Variants in ZFHX3 observed in about 807,000 individuals in gnomAD.
ZFHX3 encodes zinc finger homeobox 3, also known as zinc finger homeobox protein 3.
Under a neutral mutation model 279.1 loss-of-function variants are expected in ZFHX3, and 42 were observed. The ratio of observed to expected loss-of-function variants is 0.15; its 90% confidence interval spans 0.12 to 0.19. ZFHX3 has a LOEUF of 0.19. Ranked by LOEUF, ZFHX3 falls within the 10% of genes least tolerant of loss-of-function variation. The probability of loss-of-function intolerance (pLI) is 1.00; values close to 1 mark genes in which losing one functional copy is unlikely to be tolerated. For synonymous variants in ZFHX3, 2,293 were observed against 1,957.8 expected, an observed-to-expected ratio of 1.17 and a Z score of -4.52; for missense variants, 4,981 against 4,754.0, an observed-to-expected ratio of 1.05 and a Z score of -1.40.
At chr16:73,831,401 G>A (rs1235723319) in intron 1 of ZFHX3, among the ~76,000 whole-genome samples, 2 of 152,148 alleles carry the variant, frequency 1.3e-5, no homozygotes, top group Non-Finnish European at 2.9e-5. Context: ...TGCTAAATAA[G>A]TTAGTGCTAT....
intron 2 of ZFHX3, among the ~76,000 whole-genome samples, chr16:73,479,745 G>T (rs1280282878): frequency 6.6e-6 from 1 of 152,208 alleles, no homozygotes; most frequent in African/African-American, 2.4e-5. Flanking sequence ...CCAAATAGGG[G>T]AGGGTCCTGG....
At chr16:73,592,970 A>G (rs1466888462) in intron 2 of ZFHX3, among the ~76,000 whole-genome samples, 2 of 152,148 alleles carry the variant, frequency 1.3e-5, no homozygotes, top group African/African-American at 2.4e-5. Context: ...GATGTAAAAA[A>G]TAAGACGATA....
chr16:73,028,166 A>G (rs1964578751), intron 1 of ZFHX3, among the ~76,000 whole-genome samples: 1 of 152,084 alleles, frequency 6.6e-6, no homozygotes, highest in Admixed American at 6.5e-5. Context: ...TTCAGTCCCA[A>G]GATTCCCCTT....
At chr16:73,437,101 A>T (rs186021018) in intron 3 of ZFHX3, among the ~76,000 whole-genome samples, 1 of 152,190 alleles carries the variant, frequency 6.6e-6, no homozygotes, top group Non-Finnish European at 1.5e-5. Flanking sequence ...TCTTACAAAT[A>T]GTAGAAACTT....
chr16:73,497,585 A>G (rs1358648454), intron 2 of ZFHX3, among the ~76,000 whole-genome samples: 3 of 152,092 alleles, frequency 2.0e-5, no homozygotes, highest in Non-Finnish European at 4.4e-5. Flanking sequence ...CAGGAAGATC[A>G]CTTGAGCCCA....
In ZFHX3 at chr16:72,787,695, G is replaced by GCCA; in HGVS notation, c.10580_10581insTGG (p.Gly3527dup). On this transcript the variant is annotated inframe_insertion, in exon 10 of 10. Transcript: ENST00000268489. ...TCTCGCACGCCAGGCAGTGGTACGA[G>GCCA]CCGCCGCCGCCGCCGCCGCCGCCAC... The GCCA allele has an allele frequency of 3.3e-6, 4 of 1,227,760 alleles. No individual in the cohort carries two copies. The highest frequency in any genetic ancestry group is 4.2e-6 in the Non-Finnish European group (4 of 953,068). 76.1% of individuals were successfully genotyped at this position (1,227,760 alleles called of 1,614,324 possible).
intron 2 of ZFHX3, among the ~76,000 whole-genome samples, chr16:73,489,885 A>C (rs1259526925): frequency 6.6e-6 from 1 of 152,206 alleles, no homozygotes; most frequent in Non-Finnish European, 1.5e-5. Context: ...TAGTCACTGA[A>C]ATCTTGTGTT....
chr16:72,916,173 T>TC (rs59379613), intron 3 of ZFHX3, among the ~76,000 whole-genome samples: 98 of 151,494 alleles, frequency 6.5e-4, no homozygotes, highest in South Asian at 1.3e-3. Context: ...ACTCTTCACT[T>TC]CCCCCCCCTC....
At chr16:72,860,236 G>A (rs1483333674) in intron 4 of ZFHX3, among the ~76,000 whole-genome samples, 1 of 152,130 alleles carries the variant, frequency 6.6e-6, no homozygotes, top group African/African-American at 2.4e-5. Flanking sequence ...TGCAGAGCTG[G>A]TTCTGGGATG....
intron 5 of ZFHX3, among the ~76,000 whole-genome samples, chr16:73,165,050 G>C (rs1967327015): frequency 6.6e-6 from 1 of 152,202 alleles, no homozygotes; most frequent in African/African-American, 2.4e-5. Flanking sequence ...GGAACCAAAA[G>C]ATGCTATGCA....
rs555070091 is a variant in ZFHX3, at chr16:72,868,048, A to G, written c.3448+21683T>C. ...AATGTAAGACATGATCCCTGCCCCA[A>G]GATGTTTCCAATTTTAGGGATGAAT... On this transcript the variant is annotated intron_variant, in intron 4 of 9. Transcript: ENST00000268489. 2.2e-3 allele frequency among the ~76,000 whole-genome samples: 330 copies of G among 152,376 alleles called. 2 individuals carry two copies. Among genetic ancestry groups the G allele is most frequent in the Non-Finnish European group, 4.1e-3 (276 of 68,038 alleles).
At chr16:73,061,551 T>TC (rs1965685175), upstream of ZFHX3, 1 of 152,148 alleles carries the variant, frequency 6.6e-6, no homozygotes, top group East Asian at 1.9e-4. Flanking sequence ...CTTTTTTTTT[T>TC]CCCTTTCAGT....
intron 3 of ZFHX3, among the ~76,000 whole-genome samples, chr16:72,933,849 C>G (rs149362243): frequency 0.077 from 9,997 of 129,808 alleles, 373 homozygotes; most frequent in South Asian, 0.11. Flanking sequence ...GACAGAGTCT[C>G]GCTCTGTCGC....
chr16:73,838,545 A>T (rs540796588), intron 1 of ZFHX3, among the ~76,000 whole-genome samples: 1 of 152,210 alleles, frequency 6.6e-6, no homozygotes, highest in Non-Finnish European at 1.5e-5. Flanking sequence ...GCCAAAAAAC[A>T]TAAGTTTGAA....
chr16:73,368,051 A>G (rs944867621), intron 3 of ZFHX3, among the ~76,000 whole-genome samples: 2 of 151,878 alleles, frequency 1.3e-5, no homozygotes, highest in Non-Finnish European at 2.9e-5. Flanking sequence ...TTTTATTTTC[A>G]GTAGAGTCAG....
intron 2 of ZFHX3, among the ~76,000 whole-genome samples, chr16:73,489,327 A>C (rs542211510): frequency 6.6e-6 from 1 of 152,188 alleles, no homozygotes. Flanking sequence ...TCTCATTAAG[A>C]TATGATTTAA....
chr16:73,528,880 C>T (rs1784737673), intron 2 of ZFHX3, among the ~76,000 whole-genome samples: 1 of 152,216 alleles, frequency 6.6e-6, no homozygotes, highest in African/African-American at 2.4e-5. Flanking sequence ...TGATACATTA[C>T]AGAACATCAA....
At chr16:73,824,472 A>G (rs1960841355) in intron 1 of ZFHX3, among the ~76,000 whole-genome samples, 1 of 128,314 alleles carries the variant, frequency 7.8e-6, no homozygotes, top group East Asian at 2.3e-4. Flanking sequence ...ACATATGTAT[A>G]CATGTGCCAT....
intron 1 of ZFHX3, among the ~76,000 whole-genome samples, chr16:73,862,971 G>C (rs1238165895): frequency 7.0e-6 from 1 of 142,030 alleles, no homozygotes; most frequent in African/African-American, 2.8e-5. Flanking sequence ...CCAGCACTTT[G>C]GGAGGCTGAG....
Sources: gnomAD v4.1 joint callset for allele counts (sites outside exome capture counted in the v4.1 genomes callset) on GRCh38, gnomAD v4.1.1 for gene constraint, MANE v1.5 for transcripts, NCBI Gene and HGNC (gene_info 2026-07-23, HGNC 2026-07-21) for gene names.